Variants in URB1 observed in about 807,000 individuals in gnomAD.
URB1 encodes the protein URB1 ribosome biogenesis factor.
A neutral mutation model predicts 242.3 loss-of-function variants in URB1; 197 were observed. That is an observed-to-expected ratio of 0.81 (90% CI 0.72 to 0.91). The LOEUF (loss-of-function observed/expected upper bound fraction) is 0.91. Among genes scored for constraint, URB1 ranks in the 40% least tolerant of loss-of-function variants. The pLI, the probability that URB1 is intolerant of heterozygous loss-of-function variation, is 0.00. For synonymous variants in URB1, 1,153 were observed against 1,201.8 expected, an observed-to-expected ratio of 0.96 and a Z score of 0.84; for missense variants, 2,721 against 2,860.5, an observed-to-expected ratio of 0.95 and a Z score of 1.11.
At chr21:32,391,358 T>TA (rs1350253833) in intron 1 of URB1, among the ~76,000 whole-genome samples, 3 of 146,262 alleles carry the variant, frequency 2.1e-5, no homozygotes, top group Non-Finnish European at 4.4e-5. Context: ...CCCTAAAACT[T>TA]AAAGTATGAT....
rs1337524241 is a variant in URB1, at chr21:32,378,537, A to T, written c.572T>A (p.Val191Glu). The T allele has an allele frequency of 6.4e-7, 1 of 1,551,476 alleles. No homozygotes were observed. Among genetic ancestry groups the T allele is most frequent in the Non-Finnish European group, 8.7e-7 (1 of 1,146,908 alleles). ...TLVTKRDSKG[V>E]YDVRQAYVQF... ...AACGTAGGCCTGCCGAACGTCGTACACTCCCTAGAGGACAAAGGAGACCTA... is the reference window on the plus strand; with the variant it reads ...AACGTAGGCCTGCCGAACGTCGTACTCTCCCTAGAGGACAAAGGAGACCTA... The change falls in exon 5 of 39, where the codon GTG becomes GAG. Residue 191 changes from valine (V) to glutamate (E), a missense_variant. By Grantham distance (121) the Val-to-Glu change is moderately radical. Transcript: ENST00000382751.
chr21:32,318,015 C>A (rs1601117954), intron 36 of URB1, 98 bp from the exon 37 acceptor site: 1 of 1,448,020 alleles, frequency 6.9e-7, no homozygotes. Flanking sequence ...CCCAGAGGTG[C>A]ACACAGTCCC....
intron 4 of URB1, among the ~76,000 whole-genome samples, chr21:32,381,216 C>G (rs2033520989): frequency 6.6e-6 from 1 of 152,188 alleles, no homozygotes; most frequent in Non-Finnish European, 1.5e-5. Context: ...TGTGACCTCA[C>G]AGGGTTATTA....
chr21:32,387,521 C>T (rs2033596260), intron 1 of URB1, among the ~76,000 whole-genome samples: 1 of 150,812 alleles, frequency 6.6e-6, no homozygotes, highest in Admixed American at 6.6e-5. Flanking sequence ...GGTTGGAAGC[C>T]GCATGAGAGC....
At chr21:32,368,735 G>T in intron 8 of URB1, 137 bp from the exon 9 acceptor site, 1 of 739,072 alleles carries the variant, frequency 1.4e-6, no homozygotes, top group Non-Finnish European at 2.1e-6. Context: ...CCCCCAGGAC[G>T]TAAAGTGGGG....
rs189064732 is a variant in URB1 at position 32,345,148 on chromosome 21, C to T, written c.4070+226G>A. Among the ~76,000 whole-genome samples the T allele has an allele frequency of 3.9e-3, 596 of 152,114 alleles. 1 individual carries two copies. The highest frequency in any genetic ancestry group is 5.9e-3 in the Non-Finnish European group (401 of 67,990). On this transcript the variant is annotated intron_variant, in intron 23 of 38. Transcript: ENST00000382751. Reference sequence around the variant, plus strand: ...TCAATTGTCCCCTGGGAGAAAATCACCCCCAGCTGAGATCCATGGCTCTCA... The same window carrying T: ...TCAATTGTCCCCTGGGAGAAAATCATCCCCAGCTGAGATCCATGGCTCTCA...
At chr21:32,387,575 TG>T (rs1167862211) in intron 1 of URB1, among the ~76,000 whole-genome samples, 1 of 128,798 alleles carries the variant, frequency 7.8e-6, no homozygotes, top group Non-Finnish European at 1.6e-5. Flanking sequence ...TCATCTCTTC[TG>T]GGGAGTGAAG....
At chr21:32,386,703 T>A (rs1354238057) in intron 1 of URB1, among the ~76,000 whole-genome samples, 1 of 152,200 alleles carries the variant, frequency 6.6e-6, no homozygotes, top group Non-Finnish European at 1.5e-5. Context: ...TAGAGCATGG[T>A]AACGAAACAT....
intron 34 of URB1, 69 bp downstream of exon 34, chr21:32,321,732 C>T: frequency 1.3e-6 from 2 of 1,534,780 alleles, no homozygotes; most frequent in East Asian, 4.9e-5. Context: ...ACGGACTTGA[C>T]TTCCAGATAA....
At position 32,347,509 on chromosome 21, in the gene URB1, C is replaced by T; in HGVS notation, c.3315G>A (p.Leu1105=). The change falls in exon 22 of 39, where the codon CTG becomes CTA. Residue 1105 remains leucine, a synonymous_variant. Coordinates refer to ENST00000382751, the MANE Select transcript of URB1 (RefSeq NM_014825.3). ...ATGGATGCAGCTCCTGCAGGGCCTC[C>T]AGCTGCGGCGGGGTCTTTGGTGGTG... The part of the protein sequence containing the change: ...ATSPPKTPPQ[L]EALQELHPYM... The T allele has an allele frequency of 6.4e-7, 1 of 1,551,376 alleles. No homozygotes were observed.
chr21:32,320,738 G>C (rs2032755010), intron 34 of URB1, 98 bp from the exon 35 acceptor site: 11 of 867,410 alleles, frequency 1.3e-5, no homozygotes, highest in Non-Finnish European at 1.8e-5. Flanking sequence ...TGCCATTACA[G>C]GTGGTGGCTG....
Position 32,347,656 on chromosome 21 carries a change from C to G in URB1, c.3168G>C (p.Leu1056=), listed in dbSNP as rs1448498576. 3.9e-6 allele frequency: 6 copies of G among 1,551,516 alleles called. No homozygotes were observed. The African/African-American group carries it at 6.8e-5, about 18-fold the overall frequency. ...TCTGGAGGATCGGGGCACTTGCTGC[C>G]AGCAGCTGAAGGACCCCTGCACTAA... ...THFSAGVLQL[L]AASAPILQNI... The change falls in exon 22 of 39, where the codon CTG becomes CTC. Residue 1056 remains leucine (L), a synonymous_variant. Coordinates refer to ENST00000382751, the MANE Select transcript of URB1 (RefSeq NM_014825.3).
Position 32,363,205 on chromosome 21 carries a change from G to T in URB1, c.1460C>A (p.Ala487Asp). The T allele has an allele frequency of 6.4e-7, 1 of 1,552,086 alleles. No homozygotes were observed. Among genetic ancestry groups the T allele is most frequent in the Non-Finnish European group, 8.7e-7 (1 of 1,147,084 alleles). The change falls in exon 11 of 39, where the codon GCT becomes GAT. Residue 487 changes from alanine (A) to aspartate (D), a missense_variant. Ala to Asp is a moderately radical substitution (Grantham distance 126). Transcript: ENST00000382751. ...EVWQESGVYT[A>D]VMMEEFVQLF... ...CTGCACGAATTCTTCCATCATCACA[G>T]CTGTGTACACGCCTGATTCCTGCCA...
rs2032702247 is a variant in URB1, at chr21:32,317,188, T to C, written c.6035-123A>G. On this transcript the variant is annotated intron_variant, in intron 37 of 38. Coordinates refer to ENST00000382751, the MANE Select transcript of URB1 (RefSeq NM_014825.3). ...CTTGCATGTCCTGAGCACCCGGCCC[T>C]GCTCCCACGTCAGGAGCCTGGTGAG... 2.2e-6 allele frequency: 3 copies of C among 1,345,918 alleles called. 1 individual carries two copies. Among genetic ancestry groups the C allele is most frequent in the Non-Finnish European group, 2.9e-6 (3 of 1,020,180 alleles). 83.4% of individuals were successfully genotyped at this position (1,345,918 alleles called of 1,614,324 possible). A position where few individuals can be genotyped will look rare whatever the true frequency, so the allele number is the denominator to read the frequency against.
intron 30 of URB1, among the ~76,000 whole-genome samples, chr21:32,330,204 T>G (rs1466578906): frequency 1.3e-5 from 2 of 149,904 alleles, no homozygotes; most frequent in African/African-American, 4.9e-5. Flanking sequence ...AGTGTTTTTT[T>G]TTTTTTTTTT....
At chr21:32,324,728 G>A in intron 31 of URB1, 126 bp from the exon 32 acceptor site, 1 of 670,226 alleles carries the variant, frequency 1.5e-6, no homozygotes, top group Non-Finnish European at 2.6e-6. Context: ...AGGGGCCACT[G>A]AAGACGAAGC....
At chr21:32,356,106 C>G (rs937186168) in intron 15 of URB1, among the ~76,000 whole-genome samples, 1 of 152,212 alleles carries the variant, frequency 6.6e-6, no homozygotes, top group Non-Finnish European at 1.5e-5. Flanking sequence ...TCTGGCCAGG[C>G]ATAGGGGCTC....
rs1568821395 is a variant in URB1, at chr21:32,352,929, TG to T, written c.2417-24del. 3 of 1,520,990 alleles carry T rather than the reference TG, an allele frequency of 2.0e-6. No homozygotes were observed. The East Asian group carries it at 7.4e-5, about 37-fold the overall frequency. The allele number at this position is 1,520,990 out of a possible 1,614,324, so 94.2% of individuals were successfully genotyped here. ...CCGCTGCAAAGGAACGAGATGCATA[TG>T]GGAAGAGGCTGGCTGGGCCCACCCT... On this transcript the variant is annotated intron_variant, in intron 18 of 38. Transcript: ENST00000382751.
In URB1 at chr21:32,361,032, G is replaced by A. The variant is rs1173243720; in HGVS notation, c.1731C>T (p.Asn577=). 1 of 1,550,458 alleles carries A rather than the reference G, an allele frequency of 6.4e-7. No homozygotes were observed. The highest frequency in any genetic ancestry group is 1.2e-5 in the South Asian group (1 of 83,714). ...KVVPHVVMQY[N]FDFSKLLKGV... ...CTTTCAGGAGCTTGCTGAAGTCAAA[G>A]TTGTACTGCATGACCACGTGGGGGA... is the stretch of plus-strand genomic sequence containing the variant. Residue 577 remains asparagine, a synonymous_variant, in exon 13 of 39, where the codon AAC becomes AAT. Coordinates refer to ENST00000382751, the MANE Select transcript of URB1 (RefSeq NM_014825.3).
Sources: gnomAD v4.1 joint callset for allele counts (sites outside exome capture counted in the v4.1 genomes callset) on GRCh38, gnomAD v4.1.1 for gene constraint, MANE v1.5 for transcripts, NCBI Gene and HGNC (gene_info 2026-07-23, HGNC 2026-07-21) for gene names.